PRUNE2: variants seen among roughly 807,000 people sequenced by gnomAD.
PRUNE2 encodes the protein protein prune homolog 2.
PRUNE2 carries 164 observed loss-of-function variants against 252.0 expected under a neutral mutation model. The ratio of observed to expected loss-of-function variants is 0.65; its 90% CI spans 0.57 to 0.74. The LOEUF (loss-of-function observed/expected upper bound fraction) is 0.74. PRUNE2 is among the 30% of genes least tolerant of loss of function. The pLI, the probability that PRUNE2 is intolerant of heterozygous loss-of-function variation, is 0.00. For synonymous variants in PRUNE2, 1,292 were observed against 1,350.2 expected (o/e 0.96, Z 0.94); for missense variants, 3,495 against 3,711.0 (o/e 0.94, Z 1.51).
chr9:76,859,687 T>C (rs1260851347), intron 1 of PRUNE2, among the ~76,000 whole-genome samples: 2 of 67,946 alleles, frequency 2.9e-5, no homozygotes, highest in African/African-American at 7.7e-5. Context: ...GCTAGGGTGC[T>C]TGTTTGTTTG....
At chr9:76,675,946 G>A (rs1225323018) in intron 9 of PRUNE2, among the ~76,000 whole-genome samples, 2 of 143,880 alleles carry the variant, frequency 1.4e-5, no homozygotes, top group Admixed American at 7.1e-5. Flanking sequence ...GGATATCATC[G>A]GGAGATATAC....
intron 6 of PRUNE2, among the ~76,000 whole-genome samples, chr9:76,779,314 C>A (rs1395945880): frequency 6.6e-6 from 1 of 151,336 alleles, no homozygotes; most frequent in Non-Finnish European, 1.5e-5. Context: ...TCCACATAAT[C>A]CAACCTGTGA....
intron 9 of PRUNE2, among the ~76,000 whole-genome samples, chr9:76,664,333 T>A (rs1342830599): frequency 6.6e-6 from 1 of 152,174 alleles, no homozygotes; most frequent in Non-Finnish European, 1.5e-5. Flanking sequence ...TGAAGCCTTC[T>A]GCCAACAGCC....
intron 6 of PRUNE2, among the ~76,000 whole-genome samples, chr9:76,750,208 G>A (rs1285921711): frequency 6.6e-6 from 1 of 152,150 alleles, no homozygotes; most frequent in Non-Finnish European, 1.5e-5. Flanking sequence ...TGAGTTCTGT[G>A]AGCTGTTCTA....
intron 1 of PRUNE2, among the ~76,000 whole-genome samples, chr9:76,897,833 C>T (rs981141665): frequency 4.6e-5 from 7 of 152,166 alleles, no homozygotes; most frequent in African/African-American, 1.7e-4. Flanking sequence ...TCTCTTAGAG[C>T]TAAGACAGAT....
chr9:76,898,358 G>A (rs1397566869), intron 1 of PRUNE2, among the ~76,000 whole-genome samples: 3 of 152,142 alleles, frequency 2.0e-5, no homozygotes, highest in African/African-American at 7.2e-5. Context: ...CTCTCAGGGA[G>A]GTCAGCAATC....
chr9:76,689,501 G>A (rs1004760311), intron 9 of PRUNE2, among the ~76,000 whole-genome samples: 3 of 151,546 alleles, frequency 2.0e-5, no homozygotes, highest in African/African-American at 7.3e-5. Flanking sequence ...AACTACAGGT[G>A]CATGCCACCA....
chr9:76,626,045 T>C (rs556008486), intron 16 of PRUNE2, among the ~76,000 whole-genome samples: 1 of 152,350 alleles, frequency 6.6e-6, no homozygotes, highest in South Asian at 2.1e-4. Context: ...CAATGTATAC[T>C]AAGTAAGGTT....
chr9:76,731,322 A>AT (rs1415899404), intron 6 of PRUNE2, among the ~76,000 whole-genome samples: 2,726 of 101,212 alleles, frequency 0.027, 85 homozygotes, highest in Non-Finnish European at 0.038. Flanking sequence ...ATATATATAT[A>AT]TATTTTTTTT....
At chr9:76,766,628 C>T (rs1032612837) in intron 6 of PRUNE2, among the ~76,000 whole-genome samples, 5 of 152,132 alleles carry the variant, frequency 3.3e-5, no homozygotes, top group Non-Finnish European at 4.4e-5. Flanking sequence ...ATACCTCCCT[C>T]GTTTCATCCT....
At chr9:76,630,773 G>A (rs182351248) in intron 15 of PRUNE2, among the ~76,000 whole-genome samples, 16 of 152,270 alleles carry the variant, frequency 1.1e-4, no homozygotes, top group African/African-American at 3.6e-4. Flanking sequence ...TGATCTGCCC[G>A]CCTCAGCCTC....
At chr9:76,671,112 A>C (rs546493781) in intron 9 of PRUNE2, among the ~76,000 whole-genome samples, 4 of 152,040 alleles carry the variant, frequency 2.6e-5, no homozygotes, top group African/African-American at 9.7e-5. Context: ...TCTGAGCTAC[A>C]GGAGGACATC....
intron 12 of PRUNE2, chr9:76,644,537 A>C (rs1843965231): frequency 2.9e-6 from 2 of 682,572 alleles, no homozygotes; most frequent in Non-Finnish European, 5.3e-6. Flanking sequence ...TATATTGGAA[A>C]GTTGTCTTTG....
intron 1 of PRUNE2, among the ~76,000 whole-genome samples, chr9:76,898,787 G>C (rs1290060993): frequency 1.3e-5 from 2 of 152,148 alleles, no homozygotes; most frequent in Admixed American, 6.5e-5. Flanking sequence ...CAAATGCATG[G>C]AGCCAAAGAT....
At chr9:76,693,476 C>T (rs115298424) in intron 9 of PRUNE2, among the ~76,000 whole-genome samples, 159 of 127,806 alleles carry the variant, frequency 1.2e-3, no homozygotes, top group African/African-American at 4.6e-3. Context: ...CGGAGTCTTG[C>T]ACCATTGCCC....
chr9:76,731,312 A>ATCTATCTATCTATC (rs1484214876), intron 6 of PRUNE2, among the ~76,000 whole-genome samples: 1 of 104,128 alleles, frequency 9.6e-6, no homozygotes, highest in African/African-American at 4.8e-5. Flanking sequence ...CTATCTATCT[A>ATCTATCTATCTATC]TATATATATA....
chr9:76,792,147 GTGGTGGGAGGGGCC>G lies in PRUNE2; in HGVS notation c.756+31471_756+31484del, dbSNP rs1248785724. On this transcript the variant is annotated intron_variant, in intron 6 of 18. Transcript: ENST00000376718. ...ATTATAGCTGCTATATTTCCCATGT[GTGGTGGGAGGGGCC>G]TGGTGGGAGGTAATTGAATCATGGG... Among the ~76,000 whole-genome samples the G allele has an allele frequency of 1.2e-3, 188 of 152,204 alleles. 2 individuals are homozygous for G. Among genetic ancestry groups the G allele is most frequent in the African/African-American group, 4.4e-3 (181 of 41,536 alleles).
intron 1 of PRUNE2, among the ~76,000 whole-genome samples, chr9:76,876,151 C>G (rs2061464033): frequency 6.6e-6 from 1 of 152,144 alleles, no homozygotes; most frequent in African/African-American, 2.4e-5. Context: ...CAACTAGACA[C>G]AGAGGAACCG....
At chr9:76,648,813 C>CTA (rs1229461845) in intron 11 of PRUNE2, among the ~76,000 whole-genome samples, 2 of 152,256 alleles carry the variant, frequency 1.3e-5, no homozygotes. Flanking sequence ...GACTCCTACT[C>CTA]TAAGACTCTT....
Sources: allele counts gnomAD v4.1 joint callset (sites outside exome capture counted in the v4.1 genomes callset), GRCh38; gene constraint gnomAD v4.1.1; transcripts MANE v1.5; gene names NCBI Gene and HGNC (gene_info 2026-07-23, HGNC 2026-07-21).